Variants in FLYWCH1 observed in about 807,000 individuals in gnomAD.
FLYWCH1 encodes the protein FLYWCH-type zinc finger 1.
In FLYWCH1, 75 loss-of-function variants were observed where a neutral mutation model predicts 66.4. That is an observed-to-expected ratio of 1.13 (90% CI 0.94 to 1.37). The LOEUF (loss-of-function observed/expected upper bound fraction) is 1.37. FLYWCH1 is among the 40% of genes most tolerant of loss of function. The probability of loss-of-function intolerance (pLI) is 0.00; values close to 1 mark genes in which losing one functional copy is unlikely to be tolerated. For missense variants in FLYWCH1, 1,334 were observed against 1,001.8 expected (o/e 1.33, Z -4.48); for synonymous variants, 595 against 429.9 (o/e 1.38, Z -4.75).
intron 2 of FLYWCH1, among the ~76,000 whole-genome samples, chr16:2,924,414 C>A (rs963022379): frequency 2.0e-5 from 3 of 152,154 alleles, no homozygotes; most frequent in Admixed American, 2.0e-4. Flanking sequence ...GCATACGACC[C>A]ATGATCTTAC....
chr16:2,936,560 C>T (rs2071010842), intron 6 of FLYWCH1: 1 of 456,510 alleles, frequency 2.2e-6, no homozygotes, highest in South Asian at 1.5e-5. Flanking sequence ...CCTCTGTGGC[C>T]CCTGAGCCTG....
intron 9 of FLYWCH1, among the ~76,000 whole-genome samples, chr16:2,941,015 A>C (rs67886023): frequency 0.28 from 42,601 of 152,048 alleles, 6,151 homozygotes; most frequent in Admixed American, 0.3. Flanking sequence ...CATGTAATCC[A>C]AGCTATTCGG....
At chr16:2,924,136 C>G (rs1158390916) in intron 2 of FLYWCH1, among the ~76,000 whole-genome samples, 1 of 152,098 alleles carries the variant, frequency 6.6e-6, no homozygotes, top group African/African-American at 2.4e-5. Flanking sequence ...CAAGACCATC[C>G]TGGCTAACAC....
intron 9 of FLYWCH1, among the ~76,000 whole-genome samples, chr16:2,942,925 C>T (rs1254979396): frequency 6.6e-6 from 1 of 151,654 alleles, no homozygotes; most frequent in Non-Finnish European, 1.5e-5. Context: ...TGGTCACGAA[C>T]TCCCGACCTC....
At chr16:2,944,780 C>T (rs1023338126) in intron 9 of FLYWCH1, among the ~76,000 whole-genome samples, 5 of 151,048 alleles carry the variant, frequency 3.3e-5, no homozygotes, top group African/African-American at 9.7e-5. Context: ...TGAGATGGTG[C>T]CACTGCCCTC....
At chr16:2,945,884 T>C (rs377377756) in intron 9 of FLYWCH1, among the ~76,000 whole-genome samples, 105 of 150,882 alleles carry the variant, frequency 7.0e-4, no homozygotes, top group East Asian at 2.2e-3. Flanking sequence ...GTAGTCCCAG[T>C]TACTCGGGAG....
intron 6 of FLYWCH1, chr16:2,936,516 C>G (rs549968266): frequency 8.9e-6 from 4 of 451,764 alleles, no homozygotes; most frequent in South Asian, 6.2e-5. Context: ...CACTGCCACC[C>G]GATGTGTCCA....
At chr16:2,916,126 CA>C (rs1297798382) in intron 2 of FLYWCH1, among the ~76,000 whole-genome samples, 1 of 152,132 alleles carries the variant, frequency 6.6e-6, no homozygotes. Context: ...ACGGGCTGAT[CA>C]CTTGAGGTCA....
At chr16:2,945,951 T>C (rs936111602) in intron 9 of FLYWCH1, among the ~76,000 whole-genome samples, 2 of 151,882 alleles carry the variant, frequency 1.3e-5, no homozygotes, top group African/African-American at 2.4e-5. Flanking sequence ...GAGCCGAGAT[T>C]GCGACACTGC....
chr16:2,912,420 C>G (rs1005030584), intron 1 of FLYWCH1, among the ~76,000 whole-genome samples: 11 of 152,056 alleles, frequency 7.2e-5, no homozygotes, highest in African/African-American at 2.4e-4. Context: ...CGGTGTCTGC[C>G]CCGCCCAGCG....
intron 2 of FLYWCH1, chr16:2,923,198 G>A: frequency 2.9e-6 from 1 of 343,432 alleles, no homozygotes; most frequent in Non-Finnish European, 5.6e-6. Context: ...TTTACAAGGG[G>A]CAGGAGCTCC....
At chr16:2,928,289 C>T (rs893981371) in intron 2 of FLYWCH1, among the ~76,000 whole-genome samples, 2 of 152,208 alleles carry the variant, frequency 1.3e-5, no homozygotes, top group African/African-American at 4.8e-5. Flanking sequence ...TTCACTCCTC[C>T]TCCTCAGCAC....
At chr16:2,923,108 T>A (rs760933248) in intron 2 of FLYWCH1, 91 of 408,070 alleles carry the variant, frequency 2.2e-4, no homozygotes, top group Non-Finnish European at 3.8e-4. Flanking sequence ...GTGGCTGTTG[T>A]GAGGTTCTTT....
At position 2,950,357 on chromosome 16, in the gene FLYWCH1, C is replaced by T. The variant is rs1178673577; in HGVS notation, c.*1630C>T. ...CCAATCCCGACTCCCACTGTGTGGT[C>T]CAAATGTGTACGCCCACAGGAGGCA... On this transcript the variant is annotated 3_prime_UTR_variant, in exon 10 of 10. Coordinates refer to ENST00000253928, the MANE Select transcript of FLYWCH1 (RefSeq NM_001308068.2). 2.0e-5 allele frequency: 3 copies of T among 152,534 alleles called. No individual in the cohort carries two copies. Among genetic ancestry groups the T allele is most frequent in the South Asian group, 2.1e-4 (1 of 4,834 alleles). The allele number at this position is 152,534 out of a possible 1,614,324, so 9.4% of individuals were successfully genotyped here.
intron 2 of FLYWCH1, among the ~76,000 whole-genome samples, chr16:2,926,554 C>T (rs11643347): frequency 6.6e-6 from 1 of 152,072 alleles, no homozygotes; most frequent in East Asian, 1.9e-4. Flanking sequence ...GCCTCAGGGC[C>T]TGGGAAAAAA....
intron 7 of FLYWCH1, 90 bp from the exon 8 acceptor site, chr16:2,938,094 G>A: frequency 2.3e-6 from 3 of 1,316,354 alleles, no homozygotes; most frequent in Non-Finnish European, 3.1e-6. Flanking sequence ...CAGATTCCTG[G>A]TGGGGCCTGG....
At chr16:2,916,303 G>A (rs761088178) in intron 2 of FLYWCH1, among the ~76,000 whole-genome samples, 1 of 152,096 alleles carries the variant, frequency 6.6e-6, no homozygotes, top group Non-Finnish European at 1.5e-5. Context: ...TCATGCCACT[G>A]TACTCCAGCC....
intron 2 of FLYWCH1, among the ~76,000 whole-genome samples, chr16:2,929,166 C>T (rs922117203): frequency 1.3e-5 from 2 of 152,172 alleles, no homozygotes; most frequent in East Asian, 3.8e-4. Flanking sequence ...TGAGCAGAAA[C>T]GGGTCTCAGC....
chr16:2,930,809 A>C lies in FLYWCH1; in HGVS notation c.725A>C (p.Glu242Ala). The C allele has an allele frequency of 6.3e-7, 1 of 1,596,862 alleles. No homozygotes were observed. Among genetic ancestry groups the C allele is most frequent in the South Asian group, 1.1e-5 (1 of 88,850 alleles). The change falls in exon 4 of 10, where the codon GAG becomes GCG. Residue 242 changes from glutamate (E) to alanine (A), a missense_variant. Physicochemically the swap from Glu to Ala is moderately radical, Grantham distance 107. Transcript: ENST00000253928. ...CTGGTGCTGAGCAAGCCGGCCCTGGAGGAGGAGGAGGCACCCCGAGCCCTG... is the reference window on the plus strand; with the variant it reads ...CTGGTGCTGAGCAAGCCGGCCCTGGCGGAGGAGGAGGCACCCCGAGCCCTG... ...PGLVLSKPAL[E>A]EEEAPRALSL... is the part of the protein sequence containing the mutation.
Sources: gnomAD v4.1 joint callset for allele counts (sites outside exome capture counted in the v4.1 genomes callset) on GRCh38, gnomAD v4.1.1 for gene constraint, MANE v1.5 for transcripts, NCBI Gene and HGNC (gene_info 2026-07-23, HGNC 2026-07-21) for gene names.